Variants in GRM7 observed in about 807,000 individuals in gnomAD.
GRM7 encodes metabotropic glutamate receptor 7.
Under a neutral mutation model 84.5 loss-of-function variants are expected in GRM7, and 35 were observed. The observed-to-expected ratio is 0.41, with a 90% CI of 0.32 to 0.55. The LOEUF (loss-of-function observed/expected upper bound fraction) is 0.55, where lower values mean the gene tolerates loss of function less well. Ranked by LOEUF, GRM7 falls within the 20% of genes least tolerant of loss-of-function variation. The probability of loss-of-function intolerance (pLI) is 0.19; values close to 1 mark genes in which losing one functional copy is unlikely to be tolerated. For synonymous variants in GRM7, 487 were observed against 455.1 expected, an observed-to-expected ratio of 1.07 and a Z score of -0.89; for missense variants, 1,003 against 1,194.6, an observed-to-expected ratio of 0.84 and a Z score of 2.36.
Position 7,562,340 on chromosome 3 carries a change from C to T in GRM7, c.1516-16082C>T, listed in dbSNP as rs369748640. ...CCCAAGTGAAGTAATAGTTCACTTT[C>T]CCCCTTATATTTTTTTAAAAAGAAA... On this transcript the variant is annotated intron_variant, in intron 7 of 9. Coordinates refer to ENST00000357716, the MANE Select transcript of GRM7 (RefSeq NM_000844.4). 4.8e-3 allele frequency among the ~76,000 whole-genome samples: 726 copies of T among 150,626 alleles called. 8 individuals are homozygous for T. The highest frequency in any genetic ancestry group is 0.017 in the African/African-American group (683 of 40,828).
intron 1 of GRM7, among the ~76,000 whole-genome samples, chr3:7,032,981 T>C (rs1179072759): frequency 6.6e-6 from 1 of 152,186 alleles, no homozygotes; most frequent in Non-Finnish European, 1.5e-5. Context: ...TAGAACTGTA[T>C]TTCCTGTAAG....
chr3:7,051,117 G>T (rs1195482462), intron 1 of GRM7, among the ~76,000 whole-genome samples: 1 of 151,568 alleles, frequency 6.6e-6, no homozygotes, highest in Non-Finnish European at 1.5e-5. Context: ...TTGAATTAAA[G>T]GTAAAAATCT....
At position 6,862,824 on chromosome 3, in the gene GRM7, G is replaced by C. The variant is rs1694806299; in HGVS notation, c.519+917G>C. ...GAGCGAGGCATGAAGGCGCCCGTTG[G>C]GAGGCAGAGGGGTGCGTGAAGCGGG... On this transcript the variant is annotated intron_variant, in intron 1 of 9. Coordinates refer to ENST00000357716, the MANE Select transcript of GRM7 (RefSeq NM_000844.4). This position sits in a 1 kb window ranked among gnomAD's most constrained non-coding sequence, Gnocchi z 5.2. 1.7e-5 allele frequency: 5 copies of C among 299,866 alleles called. No individual in the cohort carries two copies. The highest frequency in any genetic ancestry group is 1.2e-4 in the South Asian group (5 of 41,352). 18.6% of individuals were successfully genotyped at this position (299,866 alleles called of 1,614,324 possible).
intron 1 of GRM7, among the ~76,000 whole-genome samples, chr3:6,915,198 G>A (rs1054735134): frequency 1.4e-4 from 22 of 152,202 alleles, no homozygotes; most frequent in African/African-American, 5.3e-4. Context: ...ATATAAAATA[G>A]TCATCCATAT....
intron 1 of GRM7, among the ~76,000 whole-genome samples, chr3:7,036,235 T>C (rs1314151385): frequency 1.3e-5 from 2 of 152,188 alleles, no homozygotes; most frequent in Admixed American, 6.5e-5. Flanking sequence ...AAATGAATCA[T>C]GGCCAATAAT....
rs151088665 is a variant in GRM7 at position 7,269,117 on chromosome 3, C to T, written c.737-29567C>T. ...GACCCACAGAATCAGAACCACATGA[C>T]CTGGAAGGCTGTGCTCAAAGCAAGG... is the stretch of plus-strand genomic sequence containing the variant. On this transcript the variant is annotated intron_variant, in intron 2 of 9. Transcript: ENST00000357716. Among the ~76,000 whole-genome samples, 18 of 152,298 alleles carry T rather than the reference C, an allele frequency of 1.2e-4. No homozygotes were observed. The East Asian group carries it at 3.3e-3, about 28-fold the overall frequency.
At chr3:7,223,365 T>A (rs1180181752) in intron 2 of GRM7, among the ~76,000 whole-genome samples, 1 of 152,126 alleles carries the variant, frequency 6.6e-6, no homozygotes, top group Non-Finnish European at 1.5e-5. Context: ...TACAATATTA[T>A]TTTTTCTTCA....
chr3:6,952,265 A>G (rs547488244), intron 1 of GRM7, among the ~76,000 whole-genome samples: 52 of 152,212 alleles, frequency 3.4e-4, no homozygotes, highest in African/African-American at 1.1e-3. Context: ...CCACTATCCC[A>G]TGAATTATGA....
intron 7 of GRM7, among the ~76,000 whole-genome samples, chr3:7,482,910 A>G (rs1162911355): frequency 1.3e-5 from 2 of 152,190 alleles, no homozygotes; most frequent in East Asian, 1.9e-4. Context: ...TAAATTCCAC[A>G]TTCCTTGGGG....
intron 1 of GRM7, among the ~76,000 whole-genome samples, chr3:7,132,707 C>T (rs185381483): frequency 7.2e-5 from 11 of 152,306 alleles, no homozygotes; most frequent in Admixed American, 3.3e-4. Flanking sequence ...GATTTAATTT[C>T]ACCTTCTGAA....
At chr3:7,321,967 C>G (rs1314146228) in intron 4 of GRM7, among the ~76,000 whole-genome samples, 2 of 151,916 alleles carry the variant, frequency 1.3e-5, no homozygotes, top group African/African-American at 4.8e-5. Context: ...TGGCCTCTGG[C>G]AAATTAGTGT....
At chr3:7,316,674 A>G (rs1246405460) in intron 4 of GRM7, among the ~76,000 whole-genome samples, 2 of 152,158 alleles carry the variant, frequency 1.3e-5, no homozygotes, top group Non-Finnish European at 2.9e-5. Flanking sequence ...TTAAGGGAAC[A>G]AACAGCAATG....
chr3:7,585,472 A>G lies in GRM7; in HGVS notation c.2451+6115A>G, dbSNP rs1695476281. Reference sequence around the variant, plus strand: ...CTAGAATAGCTACTTTAGCAGGTAAATATCAAGGGCCTGTATAAAACTGAA... The same window carrying G: ...CTAGAATAGCTACTTTAGCAGGTAAGTATCAAGGGCCTGTATAAAACTGAA... On this transcript the variant is annotated intron_variant, in intron 8 of 9. Coordinates refer to ENST00000357716, the MANE Select transcript of GRM7 (RefSeq NM_000844.4). Among the ~76,000 whole-genome samples, 3 of 152,298 alleles carry G rather than the reference A, an allele frequency of 2.0e-5. No individual in the cohort carries two copies. The South Asian group carries it at 6.2e-4, about 32-fold the overall frequency.
chr3:6,930,971 A>G (rs964790485), intron 1 of GRM7, among the ~76,000 whole-genome samples: 9 of 152,158 alleles, frequency 5.9e-5, no homozygotes, highest in Non-Finnish European at 1.3e-4. Context: ...AGTTACTGGG[A>G]TGCCCCATCC....
intron 6 of GRM7, among the ~76,000 whole-genome samples, chr3:7,459,665 A>G (rs1328879579): frequency 6.6e-6 from 1 of 152,088 alleles, no homozygotes; most frequent in Non-Finnish European, 1.5e-5. Context: ...TATGGGGGAA[A>G]CTGCCCGCAT....
intron 1 of GRM7, among the ~76,000 whole-genome samples, chr3:7,073,401 C>G (rs1238688743): frequency 6.6e-6 from 1 of 152,062 alleles, no homozygotes; most frequent in Non-Finnish European, 1.5e-5. Context: ...AAGACACTCA[C>G]AGTGTCTGAT....
chr3:7,483,533 C>T (rs1481574785), intron 7 of GRM7, among the ~76,000 whole-genome samples: 3 of 152,140 alleles, frequency 2.0e-5, no homozygotes, highest in Non-Finnish European at 4.4e-5. Context: ...GGACAGGTCA[C>T]AAACTCAGAG....
chr3:7,179,573 T>G (rs913245451), intron 2 of GRM7, among the ~76,000 whole-genome samples: 4 of 152,236 alleles, frequency 2.6e-5, no homozygotes, highest in African/African-American at 9.6e-5. Flanking sequence ...AAAAGGTGGT[T>G]GATTTTATCC....
At chr3:7,111,751 C>T (rs920179769) in intron 1 of GRM7, among the ~76,000 whole-genome samples, 1 of 152,128 alleles carries the variant, frequency 6.6e-6, no homozygotes, top group African/African-American at 2.4e-5. Flanking sequence ...GTACATGTAT[C>T]ACAGCTTAGC....
Sources: gnomAD v4.1 joint callset for allele counts (sites outside exome capture counted in the v4.1 genomes callset) on GRCh38, gnomAD v4.1.1 for gene constraint, Gnocchi (gnomAD v3.1) non-coding constraint, MANE v1.5 for transcripts, NCBI Gene and HGNC (gene_info 2026-07-23, HGNC 2026-07-21) for gene names.